ABLIM1: variants seen among roughly 807,000 people sequenced by gnomAD.
ABLIM1 encodes the protein actin binding LIM protein 1, also known as actin-binding LIM protein 1.
A neutral mutation model predicts 107.0 loss-of-function variants in ABLIM1; 40 were observed. The ratio of observed to expected loss-of-function variants is 0.37; its 90% confidence interval spans 0.29 to 0.49. ABLIM1 has a LOEUF of 0.49. ABLIM1 is among the 20% of genes least tolerant of loss of function. ABLIM1 has a pLI of 0.97. For synonymous variants in ABLIM1, 357 were observed against 357.3 expected (o/e 1.00, Z 0.01); for missense variants, 857 against 1,008.5 (o/e 0.85, Z 2.04).
At chr10:114,601,804 C>T (rs2076034390) in intron 2 of ABLIM1, 23 bp downstream of exon 2, 2 of 1,614,110 alleles carry the variant, frequency 1.2e-6, no homozygotes, top group Non-Finnish European at 1.7e-6. Context: ...TGCCACTGAG[C>T]CACGAAGCTG....
At chr10:114,546,168 T>C (rs1420977421) in intron 5 of ABLIM1, among the ~76,000 whole-genome samples, 1 of 151,992 alleles carries the variant, frequency 6.6e-6, no homozygotes, top group Non-Finnish European at 1.5e-5. Flanking sequence ...GGAAAAGCTA[T>C]AGAGTGCCAC....
intron 1 of ABLIM1, among the ~76,000 whole-genome samples, chr10:114,633,974 G>T (rs1044049838): frequency 1.3e-5 from 2 of 151,758 alleles, no homozygotes; most frequent in African/African-American, 4.8e-5. Context: ...TAAGGAAGCA[G>T]CTTTCTTTCT....
intron 1 of ABLIM1, among the ~76,000 whole-genome samples, chr10:114,627,788 A>G (rs897062878): frequency 1.3e-5 from 2 of 152,204 alleles, no homozygotes; most frequent in African/African-American, 4.8e-5. Flanking sequence ...AATGGCATCA[A>G]GGAGGAGCTG....
chr10:114,440,715 C>T (rs2060062537), intron 19 of ABLIM1: 3 of 466,288 alleles, frequency 6.4e-6, no homozygotes, highest in Non-Finnish European at 1.2e-5. Flanking sequence ...TCCGCCTCAG[C>T]CTCCCAAAGT....
intron 12 of ABLIM1, among the ~76,000 whole-genome samples, chr10:114,457,166 C>A (rs2062983713): frequency 6.6e-6 from 1 of 152,122 alleles, no homozygotes; most frequent in Non-Finnish European, 1.5e-5. Context: ...CCTTGAAATA[C>A]CAAAGGCATG....
intron 10 of ABLIM1, among the ~76,000 whole-genome samples, chr10:114,470,162 C>T (rs12776676): frequency 0.17 from 26,470 of 152,190 alleles, 2,515 homozygotes; most frequent in Middle Eastern, 0.27. Context: ...GTGGCTCACA[C>T]CTGTAATCCC....
At chr10:114,461,420 AC>A (rs1171334923) in intron 12 of ABLIM1, among the ~76,000 whole-genome samples, 1 of 151,594 alleles carries the variant, frequency 6.6e-6, no homozygotes, top group Non-Finnish European at 1.5e-5. Context: ...AGAAAAAAAA[AC>A]AGCATAATTT....
intron 11 of ABLIM1, among the ~76,000 whole-genome samples, chr10:114,466,281 G>C (rs1374456307): frequency 6.6e-6 from 1 of 152,122 alleles, no homozygotes; most frequent in African/African-American, 2.4e-5. Context: ...GTGCACTCCA[G>C]CCTGGACGAC....
At position 114,539,912 on chromosome 10, in the gene ABLIM1, C is replaced by T. The variant is rs750927556; in HGVS notation, c.894+5093G>A. On this transcript the variant is annotated intron_variant, in intron 6 of 22. Coordinates refer to ENST00000533213, the MANE Select transcript of ABLIM1 (RefSeq NM_002313.7). Reference sequence around the variant, plus strand: ...GGGGGAGGAGGAGGGGAGAAGGAAGCGGGAGAAGTTTGGAGAAAAGACGGA... The same window carrying T: ...GGGGGAGGAGGAGGGGAGAAGGAAGTGGGAGAAGTTTGGAGAAAAGACGGA... Among the ~76,000 whole-genome samples, 28 of 151,986 alleles carry T rather than the reference C, an allele frequency of 1.8e-4. 1 individual carries two copies. Among genetic ancestry groups the T allele is most frequent in the Middle Eastern group, 3.2e-3 (1 of 316 alleles).
At position 114,562,749 on chromosome 10, in the gene ABLIM1, A is replaced by AT. The variant is rs1319158787; in HGVS notation, c.673+8547dup. ...TCACCATTCAGACCTGGGAGCTGAGATTTACTCCCTCAGAGGCTCTCCTGG... is the reference window on the plus strand; with the variant it reads ...TCACCATTCAGACCTGGGAGCTGAGATTTTACTCCCTCAGAGGCTCTCCTGG... On this transcript the variant is annotated intron_variant, in intron 4 of 22. Coordinates refer to ENST00000533213, the MANE Select transcript of ABLIM1 (RefSeq NM_002313.7). Among the ~76,000 whole-genome samples, 5 of 152,286 alleles carry AT rather than the reference A, an allele frequency of 3.3e-5. No individual in the cohort carries two copies. In the South Asian group the frequency reaches 1.0e-3, roughly 32 times the overall value.
chr10:114,734,142 G>A (rs1192755347), intron 1 of ABLIM1, among the ~76,000 whole-genome samples: 1 of 152,098 alleles, frequency 6.6e-6, no homozygotes, highest in African/African-American at 2.4e-5. Context: ...TTATAGGCAT[G>A]AACCATCACG....
At chr10:114,525,077 T>C (rs187127129) in intron 6 of ABLIM1, among the ~76,000 whole-genome samples, 19 of 152,356 alleles carry the variant, frequency 1.2e-4, no homozygotes, top group Non-Finnish European at 2.1e-4. Flanking sequence ...TTTAACAGTG[T>C]CTGAAGATAT....
chr10:114,476,408 G>A (rs894054739), intron 8 of ABLIM1, among the ~76,000 whole-genome samples: 5 of 152,090 alleles, frequency 3.3e-5, no homozygotes, highest in African/African-American at 1.2e-4. Flanking sequence ...TTGGGAGGCC[G>A]AGGCGGGTGG....
intron 1 of ABLIM1, among the ~76,000 whole-genome samples, chr10:114,739,587 T>C (rs965312927): frequency 3.3e-5 from 5 of 152,178 alleles, no homozygotes; most frequent in Non-Finnish European, 7.4e-5. Flanking sequence ...TAACTTAATA[T>C]CATCCAGTAT....
At chr10:114,512,587 G>C (rs950032741) in intron 6 of ABLIM1, among the ~76,000 whole-genome samples, 1 of 131,164 alleles carries the variant, frequency 7.6e-6, no homozygotes, top group African/African-American at 2.4e-5. Flanking sequence ...CACTTTAGGA[G>C]GCCGAGGAGG....
At chr10:114,627,001 C>G (rs2077853944) in intron 1 of ABLIM1, among the ~76,000 whole-genome samples, 1 of 152,172 alleles carries the variant, frequency 6.6e-6, no homozygotes, top group African/African-American at 2.4e-5. Context: ...AAGGAACCAT[C>G]TCAGCCAACA....
intron 1 of ABLIM1, among the ~76,000 whole-genome samples, chr10:114,643,817 C>T (rs1591710530): frequency 6.6e-6 from 1 of 152,120 alleles, no homozygotes; most frequent in East Asian, 1.9e-4. Flanking sequence ...CTCAAGCAAT[C>T]CTCCTGCTTC....
At chr10:114,695,425 A>G (rs2081174965) in intron 1 of ABLIM1, among the ~76,000 whole-genome samples, 1 of 152,178 alleles carries the variant, frequency 6.6e-6, no homozygotes, top group Admixed American at 6.5e-5. Flanking sequence ...AGGCTCAGAG[A>G]GGCTACATCA....
At chr10:114,657,185 C>T (rs1431210271) in intron 1 of ABLIM1, among the ~76,000 whole-genome samples, 4 of 152,182 alleles carry the variant, frequency 2.6e-5, no homozygotes, top group South Asian at 2.1e-4. Flanking sequence ...ACGAGGAATG[C>T]GTTATGCTTC....
Sources: allele counts gnomAD v4.1 joint callset (sites outside exome capture counted in the v4.1 genomes callset), GRCh38; gene constraint gnomAD v4.1.1; transcripts MANE v1.5; gene names NCBI Gene and HGNC (gene_info 2026-07-23, HGNC 2026-07-21).